TRRAP: variants seen among roughly 807,000 people sequenced by gnomAD.
The protein encoded by TRRAP is transformation/transcription domain associated protein.
A neutral mutation model predicts 438.8 loss-of-function variants in TRRAP; 41 were observed. That is an observed-to-expected ratio of 0.09 (90% CI 0.07 to 0.12). The LOEUF is 0.12. TRRAP is among the 10% of genes least tolerant of loss of function. The pLI, the probability that TRRAP is intolerant of heterozygous loss-of-function variation, is 1.00. For synonymous variants in TRRAP, 1,994 were observed against 1,962.9 expected (o/e 1.02, Z -0.42); for missense variants, 3,122 against 5,055.1 (o/e 0.62, Z 11.60).
intron 11 of TRRAP, among the ~76,000 whole-genome samples, chr7:98,903,049 C>CAG (rs10699187): frequency 6.6e-6 from 1 of 151,598 alleles, no homozygotes; most frequent in South Asian, 2.1e-4. Flanking sequence ...TTTTTGGAGA[C>CAG]GAGTCTCACT....
chr7:98,921,651 C>A, intron 20 of TRRAP, 102 bp from the exon 21 acceptor site: 2 of 1,486,034 alleles, frequency 1.3e-6, no homozygotes, highest in Non-Finnish European at 1.8e-6. Flanking sequence ...TCTGGGATTA[C>A]AGGCATGAGC....
At chr7:98,977,154 A>G (rs1344801803) in intron 56 of TRRAP, 78 bp downstream of exon 56, 2 of 1,587,048 alleles carry the variant, frequency 1.3e-6, no homozygotes, top group African/African-American at 2.7e-5. Context: ...AATGTCCTCA[A>G]GTCGGAGTTC....
At chr7:99,002,309 C>T (rs1793966974) in intron 67 of TRRAP, among the ~76,000 whole-genome samples, 1 of 152,226 alleles carries the variant, frequency 6.6e-6, no homozygotes, top group African/African-American at 2.4e-5. Context: ...CTGGTGAAGT[C>T]TGAATCAGCT....
intron 30 of TRRAP, among the ~76,000 whole-genome samples, chr7:98,942,048 T>C (rs1480731627): frequency 1.3e-5 from 2 of 152,190 alleles, no homozygotes; most frequent in African/African-American, 4.8e-5. Context: ...TATGCAACTG[T>C]TATTGAATGC....
chr7:98,888,313 G>A (rs1310056859), intron 3 of TRRAP, among the ~76,000 whole-genome samples: 1 of 151,786 alleles, frequency 6.6e-6, no homozygotes, highest in Admixed American at 6.6e-5. Context: ...AAAGCAGGTG[G>A]ATCACCTGAG....
Position 98,999,470 on chromosome 7 carries a change from CT to C in TRRAP, c.10309+4627del. ...GGGGCTTGAGCTATCCTTCTCGGCA[CT>C]TTTTCCTGAGAACTTATCGTGAGCT... On this transcript the variant is annotated intron_variant, in intron 67 of 72. Coordinates refer to ENST00000456197, the MANE Select transcript of TRRAP (RefSeq NM_001375524.1). 4 of 809,458 alleles carry C rather than the reference CT, an allele frequency of 4.9e-6. No individual in the cohort carries two copies. In the East Asian group the frequency reaches 9.8e-5, roughly 20 times the overall value. The allele number at this position is 809,458 out of a possible 1,614,324, so 50.1% of individuals were successfully genotyped here.
At chr7:99,004,468 G>T in intron 68 of TRRAP, 53 bp downstream of exon 68, 1 of 1,531,532 alleles carries the variant, frequency 6.5e-7, no homozygotes, top group Non-Finnish European at 8.9e-7. Context: ...CATGGACATG[G>T]AGCCCCATGG....
At chr7:98,898,770 TTGTGC>T (rs1187962922) in intron 8 of TRRAP, among the ~76,000 whole-genome samples, 1 of 152,226 alleles carries the variant, frequency 6.6e-6, no homozygotes, top group Non-Finnish European at 1.5e-5. Flanking sequence ...AAATTGTACT[TTGTGC>T]TGTTCTTTTA....
rs570262603 is a variant in TRRAP at position 98,928,477 on chromosome 7, A to G, written c.3175+1111A>G. 9.2e-5 allele frequency among the ~76,000 whole-genome samples: 14 copies of G among 152,184 alleles called. No homozygotes were observed. In the East Asian group the frequency reaches 9.7e-4, roughly 11 times the overall value. On this transcript the variant is annotated intron_variant, in intron 23 of 72. Coordinates refer to ENST00000456197, the MANE Select transcript of TRRAP (RefSeq NM_001375524.1). ...TGGCCTGACGGGTCAATACTGTACA[A>G]TTTAGCACTTTGATTGTTTCTCAGT...
rs1453495259 is a variant in TRRAP at position 98,990,567 on chromosome 7, T to C, written c.9704T>C (p.Leu3235Pro). The change falls in exon 64 of 73, where the codon CTC becomes CCC. Residue 3235 changes from leucine to proline, a missense_variant. Around this residue, in one of 24 missense-constraint regions of TRRAP, gnomAD observed 52 missense variants for 88.3 expected, o/e 0.59. Coordinates refer to ENST00000456197, the MANE Select transcript of TRRAP (RefSeq NM_001375524.1). ...TGGCTGGCCTGGATCCCACAGCTGC[T>C]CACCTGCCTGGTTGGCTCGGAGGGA... ...IQWLAWIPQLLTCLVGSEGKL... is the reference protein window; with the variant it reads ...IQWLAWIPQLPTCLVGSEGKL... 6.2e-7 allele frequency: 1 copy of C among 1,614,160 alleles called. No homozygotes were observed. The highest frequency in any genetic ancestry group is 8.5e-7 in the Non-Finnish European group (1 of 1,179,966).
In TRRAP at chr7:99,010,547, TCTTA is replaced by T. The variant is rs1193617627; in HGVS notation, c.10939-502_10939-499del. 7.9e-5 allele frequency among the ~76,000 whole-genome samples: 12 copies of T among 152,306 alleles called. No individual in the cohort carries two copies. In the East Asian group the frequency reaches 2.3e-3, roughly 29 times the overall value. On this transcript the variant is annotated intron_variant, in intron 70 of 72. Transcript: ENST00000456197. ...CGGGAAGTCCATTAACTGAGTGAACTCTTACTGAGTTGGTGATGTCTGCAGTAGT... is the reference window on the plus strand; with the variant it reads ...CGGGAAGTCCATTAACTGAGTGAACTCTGAGTTGGTGATGTCTGCAGTAGT...
At position 98,921,106 on chromosome 7, in the gene TRRAP, G is replaced by T. The variant is rs1584313578; in HGVS notation, c.2623-647G>T. The stretch of plus-strand genomic sequence containing the variant: ...CCCACCTCAGCCTCCCAAAGTGCTG[G>T]GATTACAGGCGTGAGCAGCATGTGC... On this transcript the variant is annotated intron_variant, in intron 20 of 72. Coordinates refer to ENST00000456197, the MANE Select transcript of TRRAP (RefSeq NM_001375524.1). 2.6e-5 allele frequency among the ~76,000 whole-genome samples: 4 copies of T among 152,296 alleles called. No individual in the cohort carries two copies. The South Asian group carries it at 8.3e-4, about 32-fold the overall frequency.
chr7:98,999,841 G>T, intron 67 of TRRAP: 1 of 457,032 alleles, frequency 2.2e-6, no homozygotes, highest in Non-Finnish European at 3.9e-6. Context: ...ACCTCAGACA[G>T]GCTTTGCTTT....
chr7:98,967,300 C>A (rs1296748012), intron 50 of TRRAP, 138 bp downstream of exon 50: 4 of 1,346,326 alleles, frequency 3.0e-6, no homozygotes, highest in East Asian at 2.3e-5. Flanking sequence ...AATTGTGTGA[C>A]CTACTTTGGT....
chr7:98,995,558 C>A (rs1473141340), intron 67 of TRRAP, among the ~76,000 whole-genome samples: 3 of 151,936 alleles, frequency 2.0e-5, no homozygotes, highest in Non-Finnish European at 4.4e-5. Context: ...CCTGGCTCTG[C>A]CTCTTATGTT....
At chr7:98,879,271 C>T (rs949644616) in intron 1 of TRRAP, among the ~76,000 whole-genome samples, 4 of 152,234 alleles carry the variant, frequency 2.6e-5, no homozygotes, top group Non-Finnish European at 4.4e-5. Flanking sequence ...GGCGTTTCCC[C>T]CCGGCCAGGG....
At chr7:98,993,417 T>C in intron 65 of TRRAP, 121 bp from the exon 66 acceptor site, 1 of 1,083,246 alleles carries the variant, frequency 9.2e-7, no homozygotes, top group East Asian at 2.6e-5. Context: ...GGAAGCGGTC[T>C]TGTAGGGATT....
chr7:98,971,100 G>A (rs1364087235), intron 52 of TRRAP, among the ~76,000 whole-genome samples: 3 of 152,156 alleles, frequency 2.0e-5, no homozygotes, highest in South Asian at 2.1e-4. Flanking sequence ...AAGGGGTGGT[G>A]CGTCCCCTCT....
chr7:98,998,853 G>C (rs1400752231), intron 67 of TRRAP: 4 of 316,264 alleles, frequency 1.3e-5, no homozygotes, highest in Non-Finnish European at 2.4e-5. Context: ...CTGCTTGCAG[G>C]TATTCGTTTT....
Sources: allele counts gnomAD v4.1 joint callset (sites outside exome capture counted in the v4.1 genomes callset), GRCh38; gene constraint gnomAD v4.1.1; regional missense constraint gnomAD v4.1.1; transcripts MANE v1.5; gene names NCBI Gene and HGNC (gene_info 2026-07-23, HGNC 2026-07-21).